Variants in FSHR observed in about 807,000 individuals in gnomAD.
FSHR encodes follicle stimulating hormone receptor, also known as follicle-stimulating hormone receptor.
FSHR carries 46 observed loss-of-function variants against 52.1 expected under a neutral mutation model. That is an observed-to-expected ratio of 0.88 (90% CI 0.70 to 1.13). The LOEUF (loss-of-function observed/expected upper bound fraction) is 1.13. Ranked by LOEUF, FSHR falls within the 50% of genes most tolerant of loss-of-function variation. FSHR has a pLI of 0.00. For synonymous variants in FSHR, 399 were observed against 309.6 expected (o/e 1.29, Z -3.03); for missense variants, 964 against 834.6 (o/e 1.16, Z -1.91).
At chr2:49,056,443 GGAA>G (rs1669064646) in intron 2 of FSHR, among the ~76,000 whole-genome samples, 1 of 89,642 alleles carries the variant, frequency 1.1e-5, no homozygotes, top group Non-Finnish European at 2.2e-5. Flanking sequence ...CATTACAATT[GGAA>G]TATATATATA....
At chr2:49,036,747 A>G (rs181638743) in intron 2 of FSHR, among the ~76,000 whole-genome samples, 2 of 152,142 alleles carry the variant, frequency 1.3e-5, no homozygotes, top group South Asian at 2.1e-4. Flanking sequence ...GCATTTTTGT[A>G]TCTTTAAAGG....
At chr2:49,017,245 C>G (rs1428979260) in intron 4 of FSHR, among the ~76,000 whole-genome samples, 2 of 152,128 alleles carry the variant, frequency 1.3e-5, no homozygotes, top group East Asian at 3.9e-4. Flanking sequence ...TGTGACCGTC[C>G]CATTAATGCA....
At chr2:49,022,812 G>C (rs1667782764) in intron 2 of FSHR, among the ~76,000 whole-genome samples, 1 of 152,190 alleles carries the variant, frequency 6.6e-6, no homozygotes, top group Non-Finnish European at 1.5e-5. Flanking sequence ...CTCAAGCACA[G>C]AAGCTCTGCA....
intron 2 of FSHR, among the ~76,000 whole-genome samples, chr2:49,049,218 A>G (rs1668768374): frequency 6.6e-6 from 1 of 152,086 alleles, no homozygotes; most frequent in Non-Finnish European, 1.5e-5. Flanking sequence ...ATTTTCTGGT[A>G]TATCTCTGAG....
chr2:49,134,729 G>A (rs1672423857), intron 1 of FSHR, among the ~76,000 whole-genome samples: 1 of 152,196 alleles, frequency 6.6e-6, no homozygotes, highest in Admixed American at 6.5e-5. Flanking sequence ...GGAATACTAT[G>A]CAGACATAAA....
At chr2:49,135,141 T>G (rs1188110814) in intron 1 of FSHR, among the ~76,000 whole-genome samples, 4 of 152,238 alleles carry the variant, frequency 2.6e-5, no homozygotes, top group Admixed American at 2.6e-4. Flanking sequence ...ATAGAAGAGT[T>G]AATTCAACAA....
At chr2:49,055,382 G>A (rs1214983123) in intron 2 of FSHR, among the ~76,000 whole-genome samples, 1 of 151,228 alleles carries the variant, frequency 6.6e-6, no homozygotes, top group Non-Finnish European at 1.5e-5. Flanking sequence ...CAAAATTTAT[G>A]AGGCATAGTT....
chr2:49,038,628 ATAATAATAAT>A (rs1360177169), intron 2 of FSHR, among the ~76,000 whole-genome samples: 3,897 of 111,722 alleles, frequency 0.035, 401 homozygotes, highest in African/African-American at 0.084. Flanking sequence ...CTGTCTCAAA[ATAATAATAAT>A]AATAATAATA....
At chr2:48,969,851 T>G (rs939157857) in intron 8 of FSHR, among the ~76,000 whole-genome samples, 1 of 152,314 alleles carries the variant, frequency 6.6e-6, no homozygotes. Flanking sequence ...CACTGGTAGT[T>G]GCAACCTTCA....
At chr2:48,970,230 C>A (rs1674678483) in intron 8 of FSHR, among the ~76,000 whole-genome samples, 1 of 152,096 alleles carries the variant, frequency 6.6e-6, no homozygotes, top group Non-Finnish European at 1.5e-5. Context: ...CCAGTGAAAC[C>A]CATCCCTAAC....
chr2:48,983,222 G>A, intron 6 of FSHR, 56 bp from the exon 7 acceptor site: 2 of 1,528,710 alleles, frequency 1.3e-6, no homozygotes, highest in South Asian at 2.3e-5. Flanking sequence ...CAATACACGG[G>A]TTTCATAATT....
At chr2:49,134,582 T>G (rs1558460776) in intron 1 of FSHR, among the ~76,000 whole-genome samples, 1 of 152,182 alleles carries the variant, frequency 6.6e-6, no homozygotes. Context: ...CCCAAAGGAT[T>G]ATAAATCATA....
At chr2:49,135,701 A>T (rs1204257334) in intron 1 of FSHR, among the ~76,000 whole-genome samples, 2 of 152,166 alleles carry the variant, frequency 1.3e-5, no homozygotes, top group Non-Finnish European at 2.9e-5. Context: ...CTAAAACTTA[A>T]CTACTAATAG....
intron 1 of FSHR, among the ~76,000 whole-genome samples, chr2:49,103,208 T>C (rs999091941): frequency 6.6e-6 from 1 of 152,106 alleles, no homozygotes; most frequent in African/African-American, 2.4e-5. Flanking sequence ...GGACATTACT[T>C]GGAAGGAAAT....
At chr2:49,101,566 T>C (rs937337724) in intron 1 of FSHR, among the ~76,000 whole-genome samples, 13 of 152,156 alleles carry the variant, frequency 8.5e-5, no homozygotes, top group Admixed American at 2.0e-4. Flanking sequence ...CAAGAACATT[T>C]ACTCCAAGTG....
chr2:49,124,128 G>A (rs982545725), intron 1 of FSHR, among the ~76,000 whole-genome samples: 4 of 151,038 alleles, frequency 2.6e-5, no homozygotes, highest in African/African-American at 9.7e-5. Flanking sequence ...GAGTAGCTGG[G>A]ATTACAGGCA....
intron 1 of FSHR, among the ~76,000 whole-genome samples, chr2:49,115,759 C>T (rs1206077513): frequency 1.3e-5 from 2 of 152,128 alleles, no homozygotes; most frequent in African/African-American, 2.4e-5. Flanking sequence ...ATTCATTTTG[C>T]TGACTGATGA....
intron 4 of FSHR, among the ~76,000 whole-genome samples, chr2:49,013,557 GTTTA>G (rs1352781205): frequency 7.1e-6 from 1 of 140,588 alleles, no homozygotes; most frequent in Non-Finnish European, 1.5e-5. Context: ...TATATATATG[GTTTA>G]TTTATTTATT....
chr2:49,116,113 A>G (rs1312581611), intron 1 of FSHR, among the ~76,000 whole-genome samples: 1 of 152,190 alleles, frequency 6.6e-6, no homozygotes, highest in African/African-American at 2.4e-5. Flanking sequence ...CAGAGTCATC[A>G]TGGGTAGAGC....
Sources: gnomAD v4.1 joint callset for allele counts (sites outside exome capture counted in the v4.1 genomes callset) on GRCh38, gnomAD v4.1.1 for gene constraint, MANE v1.5 for transcripts, NCBI Gene and HGNC (gene_info 2026-07-23, HGNC 2026-07-21) for gene names.